The following CAMTA1 variants were observed in gnomAD, a reference collection of about 807,000 sequenced individuals.
The protein encoded by CAMTA1 is calmodulin-binding transcription activator 1.
In CAMTA1, 27 loss-of-function variants were observed where a neutral mutation model predicts 170.9. The ratio of observed to expected loss-of-function variants is 0.16; its 90% confidence interval spans 0.12 to 0.22. The LOEUF (loss-of-function observed/expected upper bound fraction) is 0.22. CAMTA1 is among the 10% of genes least tolerant of loss of function. The probability of loss-of-function intolerance (pLI) is 1.00; values close to 1 mark genes in which losing one functional copy is unlikely to be tolerated. For missense variants in CAMTA1, 1,619 were observed against 2,217.2 expected (o/e 0.73, Z 5.42); for synonymous variants, 833 against 891.5 (o/e 0.93, Z 1.17).
intron 5 of CAMTA1, among the ~76,000 whole-genome samples, chr1:7,257,525 T>C (rs1460978809): frequency 6.6e-6 from 1 of 152,182 alleles, no homozygotes; most frequent in Admixed American, 6.5e-5. Flanking sequence ...TTTCCATTTG[T>C]CCTGAAGCCG....
intron 6 of CAMTA1, among the ~76,000 whole-genome samples, chr1:7,598,619 A>G (rs1203363881): frequency 6.6e-6 from 1 of 151,894 alleles, no homozygotes; most frequent in Non-Finnish European, 1.5e-5. Context: ...CTTTTTAATG[A>G]TCGCCATTCT....
At chr1:6,975,413 C>G (rs1433553857) in intron 3 of CAMTA1, among the ~76,000 whole-genome samples, 2 of 152,124 alleles carry the variant, frequency 1.3e-5, no homozygotes, top group African/African-American at 4.8e-5. Flanking sequence ...AGACTGTGGG[C>G]TCTTGGGGAT....
chr1:6,896,396 A>T (rs1437840847), intron 3 of CAMTA1, among the ~76,000 whole-genome samples: 1 of 152,154 alleles, frequency 6.6e-6, no homozygotes, highest in Non-Finnish European at 1.5e-5. Context: ...ACTGAATTTG[A>T]ATTCCCTCAG....
intron 22 of CAMTA1, among the ~76,000 whole-genome samples, chr1:7,757,666 G>T (rs2096940729): frequency 6.6e-6 from 1 of 152,016 alleles, no homozygotes; most frequent in Non-Finnish European, 1.5e-5. Flanking sequence ...AACCCGGGAG[G>T]CAGAGGTTGC....
At chr1:6,869,373 G>A (rs922447590) in intron 3 of CAMTA1, among the ~76,000 whole-genome samples, 83 of 152,204 alleles carry the variant, frequency 5.5e-4, no homozygotes, top group African/African-American at 1.8e-3. Flanking sequence ...TAAATCGACA[G>A]TTGTCAAGTC....
chr1:7,744,761 A>T (rs1378975015), intron 16 of CAMTA1, 74 bp from the exon 17 acceptor site: 1 of 1,318,354 alleles, frequency 7.6e-7, no homozygotes, highest in Non-Finnish European at 1.1e-6. Flanking sequence ...CTCCAAGGCG[A>T]GGCAGGGAGG....
chr1:6,915,201 C>T (rs1452975428), intron 3 of CAMTA1, among the ~76,000 whole-genome samples: 7 of 152,088 alleles, frequency 4.6e-5, no homozygotes, highest in South Asian at 4.1e-4. Flanking sequence ...AAAGTGGATT[C>T]GTCTAAGTAG....
At chr1:7,728,482 CTCT>C in intron 11 of CAMTA1, among the ~76,000 whole-genome samples, 1 of 152,178 alleles carries the variant, frequency 6.6e-6, no homozygotes, top group African/African-American at 2.4e-5. Flanking sequence ...TTCCAGAGTG[CTCT>C]GGAACAAGTG....
In CAMTA1 at chr1:7,736,655, C is replaced by G. The variant is rs1343628627; in HGVS notation, c.3263+115C>G. ...CCCATTCAGTCCACTTTATAGCCGG[C>G]GAGCAAAGGGCTTTGTCCTTGGACA... On this transcript the variant is annotated intron_variant, in intron 13 of 22. Transcript: ENST00000303635. The surrounding 1 kb of genome is among the most constrained non-coding windows in gnomAD (Gnocchi z 4.5). The G allele has an allele frequency of 2.9e-6, 3 of 1,029,742 alleles. No individual in the cohort carries two copies. In the African/African-American group the frequency reaches 4.8e-5, roughly 16 times the overall value. The allele number at this position is 1,029,742 out of a possible 1,614,324, so 63.8% of individuals were successfully genotyped here.
chr1:7,674,071 C>T lies in CAMTA1; in HGVS notation c.2779+3034C>T, dbSNP rs1166377493. On this transcript the variant is annotated intron_variant, in intron 10 of 22. Coordinates refer to ENST00000303635, the MANE Select transcript of CAMTA1 (RefSeq NM_015215.4). This position sits in a 1 kb window ranked among gnomAD's most constrained non-coding sequence, Gnocchi z 4.1. Reference sequence around the variant, plus strand: ...ACTTGGAAGTCAGAATCAAACTGGCCTCACCAAAAAGAGAGGCTCAGAGGC... The same window carrying T: ...ACTTGGAAGTCAGAATCAAACTGGCTTCACCAAAAAGAGAGGCTCAGAGGC... Among the ~76,000 whole-genome samples, 1 of 152,134 alleles carries T rather than the reference C, an allele frequency of 6.6e-6. No individual in the cohort carries two copies. The highest frequency in any genetic ancestry group is 1.5e-5 in the Non-Finnish European group (1 of 68,032).
chr1:7,321,880 G>T (rs780833088), intron 5 of CAMTA1, among the ~76,000 whole-genome samples: 2 of 152,070 alleles, frequency 1.3e-5, no homozygotes, highest in East Asian at 1.9e-4. Flanking sequence ...CACCTCCCCT[G>T]CTGGGTTACA....
At chr1:7,444,374 C>A (rs2092627160) in intron 5 of CAMTA1, among the ~76,000 whole-genome samples, 1 of 152,222 alleles carries the variant, frequency 6.6e-6, no homozygotes, top group Admixed American at 6.5e-5. Flanking sequence ...ACAGTAGCTT[C>A]TGCCACGTGA....
chr1:7,385,598 GA>G (rs988594706), intron 5 of CAMTA1, among the ~76,000 whole-genome samples: 1 of 152,172 alleles, frequency 6.6e-6, no homozygotes, highest in Non-Finnish European at 1.5e-5. Flanking sequence ...GCCCCGGGGG[GA>G]AGAGTGCTGC....
chr1:7,012,886 G>A (rs751906493), intron 3 of CAMTA1, among the ~76,000 whole-genome samples: 5 of 152,102 alleles, frequency 3.3e-5, no homozygotes, highest in Non-Finnish European at 7.3e-5. Context: ...CCAACTCACC[G>A]TCCAGCTGCT....
chr1:7,260,955 A>G (rs921380615), intron 5 of CAMTA1, among the ~76,000 whole-genome samples: 1 of 152,208 alleles, frequency 6.6e-6, no homozygotes, highest in Non-Finnish European at 1.5e-5. Context: ...TCTAGGTGGC[A>G]TGTGATAAAC....
intron 6 of CAMTA1, among the ~76,000 whole-genome samples, chr1:7,472,321 G>GA (rs2093347384): frequency 6.6e-6 from 1 of 152,114 alleles, no homozygotes; most frequent in Admixed American, 6.5e-5. Flanking sequence ...CTCCTTGGGG[G>GA]ACTCTGGATT....
chr1:7,282,378 C>T (rs1348137104), intron 5 of CAMTA1, among the ~76,000 whole-genome samples: 2 of 152,144 alleles, frequency 1.3e-5, no homozygotes, highest in Non-Finnish European at 2.9e-5. Context: ...TTTCTCATTG[C>T]CTGTAGCTCT....
At chr1:6,791,094 A>G (rs1005782904) in intron 1 of CAMTA1, among the ~76,000 whole-genome samples, 1 of 144,696 alleles carries the variant, frequency 6.9e-6, no homozygotes, top group Admixed American at 7.0e-5. Context: ...TGTATCTTCT[A>G]GAATCATGTA....
chr1:7,290,242 C>T (rs1672931709), intron 5 of CAMTA1, among the ~76,000 whole-genome samples: 1 of 152,224 alleles, frequency 6.6e-6, no homozygotes, highest in Non-Finnish European at 1.5e-5. Flanking sequence ...AAACTCGGTT[C>T]TGCCTTTGAC....
Sources: gnomAD v4.1 joint callset for allele counts (sites outside exome capture counted in the v4.1 genomes callset) on GRCh38, gnomAD v4.1.1 for gene constraint, Gnocchi (gnomAD v3.1) non-coding constraint, MANE v1.5 for transcripts, NCBI Gene and HGNC (gene_info 2026-07-23, HGNC 2026-07-21) for gene names.